NHSL3: variants seen among roughly 807,000 people sequenced by gnomAD.
NHSL3 encodes NHS like 3.
chr1:32,768,014 T>C, the NHSL3 span: 58 of 1,612,752 alleles, frequency 3.6e-5, no homozygotes, highest in Admixed American at 6.7e-5. Flanking sequence ...CACTGTCAGC[T>C]GTCAAGGTCA....
chr1:32,766,031 G>A, the NHSL3 span, among the ~76,000 whole-genome samples: 5 of 152,260 alleles, frequency 3.3e-5, no homozygotes, highest in East Asian at 9.7e-4. Flanking sequence ...TGTGGGTTGG[G>A]AGGATGGATC....
At chr1:32,772,945 C>T in the NHSL3 span, 21 of 1,555,120 alleles carry the variant, frequency 1.4e-5, no homozygotes, top group Admixed American at 1.0e-4. Context: ...CTCAGGGACC[C>T]GAGCAGCTCC....
the NHSL3 span, chr1:32,770,638 C>T: frequency 9.2e-6 from 14 of 1,518,740 alleles, no homozygotes; most frequent in East Asian, 4.6e-5. This position sits in a 1 kb window ranked among gnomAD's most constrained non-coding sequence, Gnocchi z 8.3. Context: ...GTTGTCTGGC[C>T]GGAGTGTGTC....
the NHSL3 span, among the ~76,000 whole-genome samples, chr1:32,760,789 C>T: frequency 2.0e-5 from 3 of 152,080 alleles, no homozygotes; most frequent in Non-Finnish European, 2.9e-5. Flanking sequence ...CGGGCTTTCA[C>T]GGCGTTGGCC....
chr1:32,760,739 C>T, the NHSL3 span, among the ~76,000 whole-genome samples: 12 of 151,984 alleles, frequency 7.9e-5, no homozygotes, highest in Admixed American at 5.2e-4. Flanking sequence ...TACAGGAGCT[C>T]GACACCATGC....
chr1:32,758,311 T>G, the NHSL3 span, among the ~76,000 whole-genome samples: 10 of 152,098 alleles, frequency 6.6e-5, no homozygotes. Context: ...CACATGGCCC[T>G]CCTTCTGGTT....
chr1:32,754,948 C>T, the NHSL3 span, among the ~76,000 whole-genome samples: 2 of 146,054 alleles, frequency 1.4e-5, no homozygotes, highest in East Asian at 2.3e-4. Context: ...TCCCCACGGT[C>T]CCCGAGGTCG....
At chr1:32,766,212 G>A in the NHSL3 span, among the ~76,000 whole-genome samples, 1 of 152,190 alleles carries the variant, frequency 6.6e-6, no homozygotes, top group Admixed American at 6.5e-5. Context: ...AGTACCACTG[G>A]AAGTTGGGAA....
the NHSL3 span, chr1:32,770,678 C>A: frequency 2.6e-6 from 4 of 1,529,134 alleles, no homozygotes; most frequent in Non-Finnish European, 3.5e-6. The surrounding 1 kb of genome is among the most constrained non-coding windows in gnomAD (Gnocchi z 8.3). Flanking sequence ...CCTCCACCCC[C>A]TCCCCGCCGG....
chr1:32,756,340 C>G, the NHSL3 span, among the ~76,000 whole-genome samples: 4 of 151,634 alleles, frequency 2.6e-5, no homozygotes, highest in Admixed American at 6.6e-5. Context: ...GGGGTATGGC[C>G]GTGAGTAAAG....
chr1:32,769,372 T>G, the NHSL3 span, among the ~76,000 whole-genome samples: 1 of 152,222 alleles, frequency 6.6e-6, no homozygotes, highest in African/African-American at 2.4e-5. Flanking sequence ...CTGTTTGATG[T>G]TCTATAAAAA....
the NHSL3 span, chr1:32,774,833 T>C: frequency 6.6e-6 from 1 of 152,454 alleles, no homozygotes; most frequent in African/African-American, 2.4e-5. Flanking sequence ...GAAGTATATA[T>C]ATACATATAT....
At chr1:32,765,859 G>C in the NHSL3 span, 1 of 1,511,614 alleles carries the variant, frequency 6.6e-7, no homozygotes, top group Non-Finnish European at 8.9e-7. Context: ...GGAGGGGAGG[G>C]ATGCTCGATG....
the NHSL3 span, chr1:32,769,742 G>T: frequency 2.5e-6 from 4 of 1,613,860 alleles, no homozygotes; most frequent in Non-Finnish European, 3.4e-6. Context: ...CGGGAGCGGC[G>T]GAGCACTGTG....
At chr1:32,762,608 C>T in the NHSL3 span, among the ~76,000 whole-genome samples, 6 of 151,036 alleles carry the variant, frequency 4.0e-5, no homozygotes, top group South Asian at 4.2e-4. Context: ...TTTTTTGAGA[C>T]GGAATTTTTT....
At chr1:32,753,090 T>C in the NHSL3 span, among the ~76,000 whole-genome samples, 3 of 151,210 alleles carry the variant, frequency 2.0e-5, no homozygotes, top group African/African-American at 7.3e-5. Flanking sequence ...TGCCTCAGCC[T>C]TCTGAGTAGG....
chr1:32,770,100 C>T, the NHSL3 span: 1 of 1,555,434 alleles, frequency 6.4e-7, no homozygotes. This position sits in a 1 kb window ranked among gnomAD's most constrained non-coding sequence, Gnocchi z 8.3. Flanking sequence ...CCTTTGTTGG[C>T]CGGTCCACGG....
chr1:32,771,999 C>A, the NHSL3 span: 2 of 1,603,232 alleles, frequency 1.2e-6, no homozygotes, highest in Non-Finnish European at 1.7e-6. Context: ...AGGCCTGCAG[C>A]CTGGCCGCCA....
chr1:32,767,999 TGCTGCACTGTCA>T, the NHSL3 span: 1 of 1,612,552 alleles, frequency 6.2e-7, no homozygotes. Context: ...CTCCCTCCAG[TGCTGCACTGTCA>T]GCTGTCAAGG....
Sources: allele counts gnomAD v4.1 joint callset (sites outside exome capture counted in the v4.1 genomes callset), GRCh38; gene constraint gnomAD v4.1.1; non-coding constraint Gnocchi (gnomAD v3.1); transcripts MANE v1.5; gene names NCBI Gene and HGNC (gene_info 2026-07-23, HGNC 2026-07-21).